The following ETV6 variants were observed in gnomAD, a reference collection of about 807,000 sequenced individuals.
The protein encoded by ETV6 is transcription factor ETV6.
Under a neutral mutation model 51.1 loss-of-function variants are expected in ETV6, and 16 were observed. The ratio of observed to expected loss-of-function variants is 0.31; its 90% CI spans 0.21 to 0.48. ETV6 has a LOEUF of 0.48. ETV6 is among the 20% of genes least tolerant of loss of function. The pLI is 0.99. For missense variants in ETV6, 458 were observed against 594.8 expected (o/e 0.77, Z 2.39); for synonymous variants, 240 against 224.1 (o/e 1.07, Z -0.64).
At chr12:11,706,696 A>G (rs1865078436) in intron 1 of ETV6, among the ~76,000 whole-genome samples, 1 of 152,222 alleles carries the variant, frequency 6.6e-6, no homozygotes, top group South Asian at 2.1e-4. Flanking sequence ...CTTGCATCAT[A>G]CACCCCAGCT....
intron 1 of ETV6, among the ~76,000 whole-genome samples, chr12:11,705,614 T>G (rs1272600156): frequency 6.6e-6 from 1 of 152,220 alleles, no homozygotes; most frequent in Admixed American, 6.5e-5. Flanking sequence ...CCTTAGACAC[T>G]TGACTTAATA....
chr12:11,674,438 A>G (rs1864376303), intron 1 of ETV6, among the ~76,000 whole-genome samples: 2 of 151,936 alleles, frequency 1.3e-5, no homozygotes, highest in African/African-American at 4.8e-5. Context: ...GGATTCTGAA[A>G]GTGGTCATAG....
At chr12:11,680,915 C>A (rs146184919) in intron 1 of ETV6, among the ~76,000 whole-genome samples, 4,050 of 152,228 alleles carry the variant, frequency 0.027, 63 homozygotes, top group Non-Finnish European at 0.042. Flanking sequence ...ACTTTCTGTT[C>A]TTTAAAATCT....
intron 2 of ETV6, among the ~76,000 whole-genome samples, chr12:11,814,244 T>C (rs1233148646): frequency 6.6e-6 from 1 of 152,228 alleles, no homozygotes; most frequent in Non-Finnish European, 1.5e-5. Flanking sequence ...TCTTATTTTA[T>C]TCAGATCTTG....
chr12:11,752,683 C>T (rs777293958), intron 2 of ETV6, 104 bp downstream of exon 2: 2 of 1,410,378 alleles, frequency 1.4e-6, no homozygotes, highest in Non-Finnish European at 9.5e-7. Context: ...AGGTGGTTTT[C>T]ACAGGACTTC....
intron 1 of ETV6, among the ~76,000 whole-genome samples, chr12:11,702,036 G>A (rs1864992971): frequency 6.6e-6 from 1 of 152,170 alleles, no homozygotes; most frequent in African/African-American, 2.4e-5. Context: ...CTAAGGATTG[G>A]GGTACAGGTA....
At chr12:11,681,838 T>C (rs899601349) in intron 1 of ETV6, among the ~76,000 whole-genome samples, 1 of 152,198 alleles carries the variant, frequency 6.6e-6, no homozygotes, top group African/African-American at 2.4e-5. Context: ...TCTGTTCCTG[T>C]GTTAGTTTGC....
At chr12:11,751,938 A>G (rs1377000534) in intron 1 of ETV6, 1 of 426,216 alleles carries the variant, frequency 2.3e-6, no homozygotes, top group Non-Finnish European at 4.7e-6. Context: ...TTGAAGTTCT[A>G]AATCTAGAAC....
chr12:11,837,421 C>T (rs912841786), intron 2 of ETV6, among the ~76,000 whole-genome samples: 1 of 152,058 alleles, frequency 6.6e-6, no homozygotes, highest in Non-Finnish European at 1.5e-5. Context: ...AGGGGACTTC[C>T]ACAGGTTTAG....
chr12:11,793,445 T>C (rs952570946), intron 2 of ETV6, among the ~76,000 whole-genome samples: 1 of 152,204 alleles, frequency 6.6e-6, no homozygotes, highest in Admixed American at 6.5e-5. Context: ...AGAAGATGTT[T>C]TAGTTATTAG....
chr12:11,731,531 G>A (rs1474832775), intron 1 of ETV6, among the ~76,000 whole-genome samples: 2 of 152,026 alleles, frequency 1.3e-5, no homozygotes, highest in Non-Finnish European at 2.9e-5. Context: ...CTTAAGAAGA[G>A]AAGAGAAAGA....
chr12:11,804,093 CT>C (rs1218428106), intron 2 of ETV6, among the ~76,000 whole-genome samples: 1 of 152,082 alleles, frequency 6.6e-6, no homozygotes, highest in African/African-American at 2.4e-5. Context: ...TCTGTAAATT[CT>C]TTCAAAAGAT....
At chr12:11,700,070 A>G (rs1864949858) in intron 1 of ETV6, among the ~76,000 whole-genome samples, 2 of 152,092 alleles carry the variant, frequency 1.3e-5, no homozygotes, top group South Asian at 4.1e-4. Context: ...TTTTTAATCA[A>G]CTTTGATCCC....
intron 1 of ETV6, among the ~76,000 whole-genome samples, chr12:11,744,553 A>T (rs2121034222): frequency 6.6e-6 from 1 of 152,324 alleles, no homozygotes; most frequent in African/African-American, 2.4e-5. Context: ...CACCTTTCTT[A>T]TGCTGAATTG....
At chr12:11,663,527 T>G (rs1220806694) in intron 1 of ETV6, among the ~76,000 whole-genome samples, 1 of 152,202 alleles carries the variant, frequency 6.6e-6, no homozygotes, top group Non-Finnish European at 1.5e-5. Flanking sequence ...GAGGAAAAGA[T>G]TACACAAAAT....
chr12:11,760,382 T>G lies in ETV6; in HGVS notation c.163+7803T>G, dbSNP rs138331790. Among the ~76,000 whole-genome samples, 23 of 152,268 alleles carry G rather than the reference T, an allele frequency of 1.5e-4. 1 individual carries two copies. The East Asian group carries it at 4.4e-3, about 29-fold the overall frequency. Reference sequence around the variant, plus strand: ...TAAAGAACTGTAGATGTGGGGTGGATGACGATTGGATACCTAGAAGGGAAA... The same window carrying G: ...TAAAGAACTGTAGATGTGGGGTGGAGGACGATTGGATACCTAGAAGGGAAA... On this transcript the variant is annotated intron_variant, in intron 2 of 7. Coordinates refer to ENST00000396373, the MANE Select transcript of ETV6 (RefSeq NM_001987.5).
chr12:11,670,701 G>T (rs1311674038), intron 1 of ETV6, among the ~76,000 whole-genome samples: 1 of 152,150 alleles, frequency 6.6e-6, no homozygotes, highest in African/African-American at 2.4e-5. Flanking sequence ...TGGCTTGTAG[G>T]ATCAGTTTTA....
At chr12:11,754,313 G>GA (rs929807555) in intron 2 of ETV6, among the ~76,000 whole-genome samples, 10 of 151,398 alleles carry the variant, frequency 6.6e-5, no homozygotes, top group East Asian at 1.9e-4. Flanking sequence ...CTAGCACAGA[G>GA]AAAAAAAAAG....
chr12:11,694,660 T>G (rs534569891), intron 1 of ETV6, among the ~76,000 whole-genome samples: 1 of 152,358 alleles, frequency 6.6e-6, no homozygotes, highest in Non-Finnish European at 1.5e-5. Context: ...ACCTGGTTAT[T>G]GTCTCTGTGT....
Sources: gnomAD v4.1 joint callset for allele counts (sites outside exome capture counted in the v4.1 genomes callset) on GRCh38, gnomAD v4.1.1 for gene constraint, MANE v1.5 for transcripts, NCBI Gene and HGNC (gene_info 2026-07-23, HGNC 2026-07-21) for gene names.